FAM78B: variants seen among roughly 807,000 people sequenced by gnomAD.
The protein encoded by FAM78B is family with sequence similarity 78 member B, also known as protein FAM78B.
In FAM78B, 10 loss-of-function variants were observed where a neutral mutation model predicts 20.0. The observed-to-expected ratio is 0.50, with a 90% CI of 0.31 to 0.85. The LOEUF (loss-of-function observed/expected upper bound fraction) is 0.85, where lower values mean the gene tolerates loss of function less well. Among genes scored for constraint, FAM78B ranks in the 40% least tolerant of loss-of-function variants. The pLI is 0.05. For synonymous variants in FAM78B, 135 were observed against 132.8 expected (o/e 1.02, Z -0.12); for missense variants, 283 against 345.0 (o/e 0.82, Z 1.42).
intron 1 of FAM78B, among the ~76,000 whole-genome samples, chr1:166,105,258 TAA>T (rs1653722174): frequency 1.3e-5 from 2 of 152,072 alleles, no homozygotes; most frequent in African/African-American, 4.8e-5. Flanking sequence ...AACCCTAGAA[TAA>T]AACCTAGGCA....
chr1:166,127,734 G>GCTA (rs1654695791), intron 1 of FAM78B, among the ~76,000 whole-genome samples: 1 of 152,192 alleles, frequency 6.6e-6, no homozygotes, highest in Non-Finnish European at 1.5e-5. Context: ...GTGTCTGACT[G>GCTA]CTACTGTGTG....
At chr1:166,062,802 G>A (rs1168316571) in intron 2 of FAM78B, among the ~76,000 whole-genome samples, 1 of 152,212 alleles carries the variant, frequency 6.6e-6, no homozygotes, top group Non-Finnish European at 1.5e-5. Flanking sequence ...TGAAGTGCAT[G>A]TATTATCTTT....
exon 3 of FAM78B, chr1:166,057,950 TTTTG>T (rs1410775514): frequency 7.0e-6 from 1 of 141,998 alleles, no homozygotes; most frequent in Non-Finnish European, 1.6e-5. Context: ...CCTGTTTTGT[TTTTG>T]TTTTTTTTGG....
At position 166,156,027 on chromosome 1, in the gene FAM78B, C is replaced by T. The variant is rs532396953; in HGVS notation, c.263+9959G>A. On this transcript the variant is annotated intron_variant, in intron 1 of 1. Transcript: ENST00000354422. Reference sequence around the variant, plus strand: ...GGGATGCTGCAGAAAGTGCTGACTGCGGATGCCGATTTACCGCTTCCCATT... The same window carrying T: ...GGGATGCTGCAGAAAGTGCTGACTGTGGATGCCGATTTACCGCTTCCCATT... Among the ~76,000 whole-genome samples the T allele has an allele frequency of 3.9e-5, 6 of 152,306 alleles. No homozygotes were observed. The South Asian group carries it at 6.2e-4, about 16-fold the overall frequency.
intron 1 of FAM78B, among the ~76,000 whole-genome samples, chr1:166,109,906 A>ATATGTATG (rs1653980483): frequency 9.8e-6 from 1 of 102,000 alleles, no homozygotes; most frequent in Non-Finnish European, 2.0e-5. Context: ...ATATATATAT[A>ATATGTATG]TATATATATA....
At chr1:166,068,405 T>A (rs1651882442), downstream of FAM78B, among the ~76,000 whole-genome samples, 2 of 152,242 alleles carry the variant, frequency 1.3e-5, no homozygotes, top group South Asian at 4.1e-4. Context: ...ATTATTAATG[T>A]GTTGTTATAA....
chr1:166,084,205 C>CCCCA (rs1553215954), intron 1 of FAM78B, among the ~76,000 whole-genome samples: 1 of 121,074 alleles, frequency 8.3e-6, no homozygotes, highest in East Asian at 2.5e-4. Flanking sequence ...GATGTAGAAA[C>CCCCA]CACACACACA....
At chr1:166,123,490 G>A (rs749868723) in intron 1 of FAM78B, among the ~76,000 whole-genome samples, 14 of 152,204 alleles carry the variant, frequency 9.2e-5, no homozygotes, top group Non-Finnish European at 1.9e-4. Context: ...CCACAGTGCT[G>A]TCAGAGTGAC....
At chr1:166,142,410 C>T (rs970710988) in intron 1 of FAM78B, among the ~76,000 whole-genome samples, 3 of 152,162 alleles carry the variant, frequency 2.0e-5, no homozygotes, top group African/African-American at 7.2e-5. Context: ...GCAGCAGAAG[C>T]CTGAAGTCCA....
Position 166,144,115 on chromosome 1 carries a change from A to G in FAM78B, c.263+21871T>C, listed in dbSNP as rs567896659. 4.6e-5 allele frequency among the ~76,000 whole-genome samples: 7 copies of G among 152,350 alleles called. No individual in the cohort carries two copies. The East Asian group carries it at 1.4e-3, about 29-fold the overall frequency. ...CCTGGGCCCAAATTAATGTGGTTCC[A>G]GTGACCAGGGTTCCCAGGGATGAAG... is the stretch of plus-strand genomic sequence containing the variant. On this transcript the variant is annotated intron_variant, in intron 1 of 1. Coordinates refer to ENST00000354422, the MANE Select transcript of FAM78B (RefSeq NM_001017961.5).
downstream of FAM78B, chr1:166,057,423 A>G (rs1468645386): frequency 6.6e-6 from 1 of 152,114 alleles, no homozygotes; most frequent in Non-Finnish European, 1.5e-5. Flanking sequence ...AAGAGAAAAC[A>G]TATTTTGTTG....
intron 1 of FAM78B, among the ~76,000 whole-genome samples, chr1:166,082,140 A>G (rs1022616963): frequency 2.0e-5 from 3 of 152,122 alleles, no homozygotes; most frequent in African/African-American, 7.2e-5. Context: ...GAAAAATCCT[A>G]TGATGGTTTT....
chr1:166,100,203 T>C (rs1471398835), intron 1 of FAM78B, among the ~76,000 whole-genome samples: 2 of 152,160 alleles, frequency 1.3e-5, no homozygotes, highest in Non-Finnish European at 2.9e-5. Context: ...TAAAAATTCT[T>C]TGAGGAGGCA....
chr1:166,071,839 C>T (rs1216171580), intron 1 of FAM78B, among the ~76,000 whole-genome samples: 3 of 152,084 alleles, frequency 2.0e-5, no homozygotes, highest in South Asian at 2.1e-4. Context: ...CCTTACACAG[C>T]GCTGGAGGGA....
Position 166,166,730 on chromosome 1 carries a change from G to C in FAM78B, c.-482C>G, listed in dbSNP as rs890718188. On this transcript the variant is annotated 5_prime_UTR_variant, in exon 1 of 2. Transcript: ENST00000354422. ...AGCAGCAGCCGCCGCCGCCGCCGCCGCTGCATGAACCTCTGCACCACGGCT... is the reference window on the plus strand; with the variant it reads ...AGCAGCAGCCGCCGCCGCCGCCGCCCCTGCATGAACCTCTGCACCACGGCT... The C allele has an allele frequency of 8.9e-4, 133 of 149,470 alleles. No homozygotes were observed. Among genetic ancestry groups the C allele is most frequent in the African/African-American group, 3.2e-3 (131 of 41,126 alleles). 9.3% of individuals were successfully genotyped at this position (149,470 alleles called of 1,614,324 possible).
At chr1:166,115,713 C>A (rs953330822) in intron 1 of FAM78B, among the ~76,000 whole-genome samples, 1 of 152,132 alleles carries the variant, frequency 6.6e-6, no homozygotes, top group Admixed American at 6.5e-5. Flanking sequence ...TTTGGAGCGG[C>A]TGAGGGCTCA....
chr1:166,099,678 G>A (rs1653431577), intron 1 of FAM78B, among the ~76,000 whole-genome samples: 1 of 152,196 alleles, frequency 6.6e-6, no homozygotes, highest in African/African-American at 2.4e-5. Context: ...AACAGACAAA[G>A]AGGGACATTA....
downstream of FAM78B, among the ~76,000 whole-genome samples, chr1:166,068,955 T>C (rs1233707492): frequency 6.6e-6 from 1 of 152,168 alleles, no homozygotes; most frequent in African/African-American, 2.4e-5. Flanking sequence ...AAAGGAAACC[T>C]GGCCTCTCAT....
intron 1 of FAM78B, among the ~76,000 whole-genome samples, chr1:166,133,347 T>C (rs1654945693): frequency 6.6e-6 from 1 of 152,198 alleles, no homozygotes; most frequent in South Asian, 2.1e-4. Context: ...CCTGTTATTG[T>C]GTAACTTTAG....
Sources: allele counts gnomAD v4.1 joint callset (sites outside exome capture counted in the v4.1 genomes callset), GRCh38; gene constraint gnomAD v4.1.1; transcripts MANE v1.5; gene names NCBI Gene and HGNC (gene_info 2026-07-23, HGNC 2026-07-21).